CTNNA2: variants seen among roughly 807,000 people sequenced by gnomAD.
The protein encoded by CTNNA2 is catenin alpha 2.
In CTNNA2, 42 loss-of-function variants were observed where a neutral mutation model predicts 101.0. That is an observed-to-expected ratio of 0.42 (90% CI 0.32 to 0.54). CTNNA2 has a LOEUF of 0.54. Ranked by LOEUF, CTNNA2 falls within the 20% of genes least tolerant of loss-of-function variation. The pLI is 0.14. For synonymous variants in CTNNA2, 450 were observed against 456.4 expected, an observed-to-expected ratio of 0.99 and a Z score of 0.18; for missense variants, 871 against 1,223.1, an observed-to-expected ratio of 0.71 and a Z score of 4.29.
At chr2:79,624,787 G>C (rs1431670197) in intron 1 of CTNNA2, among the ~76,000 whole-genome samples, 1 of 152,192 alleles carries the variant, frequency 6.6e-6, no homozygotes, top group African/African-American at 2.4e-5. Flanking sequence ...ACATAATTAA[G>C]ATCAGTTCTG....
chr2:79,273,976 C>G (rs1193598546), intron 2 of CTNNA2, among the ~76,000 whole-genome samples: 4 of 151,962 alleles, frequency 2.6e-5, no homozygotes, highest in Non-Finnish European at 5.9e-5. Flanking sequence ...CCTACTGCTT[C>G]TTTCTTGTGT....
intron 1 of CTNNA2, among the ~76,000 whole-genome samples, chr2:79,588,856 A>G (rs1676664814): frequency 1.3e-5 from 2 of 152,206 alleles, no homozygotes; most frequent in Non-Finnish European, 2.9e-5. Flanking sequence ...GAAAGTTCAC[A>G]GAATAACAGA....
At chr2:80,041,726 C>T (rs2104273062) in intron 7 of CTNNA2, among the ~76,000 whole-genome samples, 1 of 152,264 alleles carries the variant, frequency 6.6e-6, no homozygotes, top group South Asian at 2.1e-4. Flanking sequence ...GGGTAAAACG[C>T]TATACTCAAA....
chr2:80,022,554 C>G (rs1189857160), intron 7 of CTNNA2, among the ~76,000 whole-genome samples: 1 of 151,942 alleles, frequency 6.6e-6, no homozygotes, highest in East Asian at 1.9e-4. Flanking sequence ...TTGCTGGGGG[C>G]AGGAGTTTAG....
intron 7 of CTNNA2, among the ~76,000 whole-genome samples, chr2:80,280,396 T>G (rs2149159053): frequency 6.6e-6 from 1 of 151,616 alleles, no homozygotes; most frequent in Non-Finnish European, 1.5e-5. Flanking sequence ...TCTGGAGCCT[T>G]AGATAGGTAA....
At chr2:80,427,301 C>G (rs545542204) in intron 9 of CTNNA2, among the ~76,000 whole-genome samples, 10 of 152,218 alleles carry the variant, frequency 6.6e-5, no homozygotes, top group African/African-American at 1.9e-4. Context: ...GAAGAAATTT[C>G]AAATCTGTGA....
At chr2:79,250,493 A>G (rs1674756363) in intron 2 of CTNNA2, among the ~76,000 whole-genome samples, 1 of 152,162 alleles carries the variant, frequency 6.6e-6, no homozygotes, top group Non-Finnish European at 1.5e-5. Flanking sequence ...TTAAGTTTTT[A>G]TGCAGAGAGT....
At chr2:80,618,530 C>A (rs956228924) in intron 17 of CTNNA2, among the ~76,000 whole-genome samples, 5 of 151,854 alleles carry the variant, frequency 3.3e-5, no homozygotes, top group Non-Finnish European at 2.9e-5. Context: ...AAAAGAGTTG[C>A]AATTGTAGCA....
At chr2:80,525,344 G>A (rs913547814) in intron 9 of CTNNA2, among the ~76,000 whole-genome samples, 4 of 152,096 alleles carry the variant, frequency 2.6e-5, no homozygotes, top group South Asian at 2.1e-4. Flanking sequence ...GGCAGGTCCC[G>A]GAAGTCTTTG....
At chr2:79,671,802 A>G (rs894331611) in intron 2 of CTNNA2, among the ~76,000 whole-genome samples, 4 of 152,234 alleles carry the variant, frequency 2.6e-5, no homozygotes, top group Non-Finnish European at 5.9e-5. Context: ...GTTCTGGATT[A>G]CTGTTTAGCC....
chr2:79,710,032 G>A (rs1685641854), intron 2 of CTNNA2, among the ~76,000 whole-genome samples: 1 of 152,022 alleles, frequency 6.6e-6, no homozygotes, highest in South Asian at 2.1e-4. Context: ...CCAGAGTAGA[G>A]CTTGGTGAGG....
Position 80,647,855 on chromosome 2 carries a change from G to T in CTNNA2, c.2845G>T (p.Ala949Ser). The T allele has an allele frequency of 6.2e-7, 1 of 1,604,306 alleles. No individual in the cohort carries two copies. Among genetic ancestry groups the T allele is most frequent in the Non-Finnish European group, 8.5e-7 (1 of 1,173,710 alleles). ...TGTACAGGCTTTAAGTGAATTCAAA[G>T]CAATGGATTCCTTCTAGGACGATAG... ...SPVQALSEFK[A>S]MDSF The change falls in exon 19 of 19, where the codon GCA (alanine) becomes TCA (serine). Residue 949 changes from alanine to serine, a missense_variant. By Grantham distance (99) the Ala-to-Ser change is moderately conservative. Around this residue, in one of 5 missense-constraint regions of CTNNA2, gnomAD observed 41 missense variants for 45.1 expected, o/e 0.91. Transcript: ENST00000402739.
At chr2:79,557,904 T>TC (rs1290565329) in intron 1 of CTNNA2, among the ~76,000 whole-genome samples, 1 of 151,982 alleles carries the variant, frequency 6.6e-6, no homozygotes, top group Non-Finnish European at 1.5e-5. Flanking sequence ...AATTATCTGT[T>TC]TAGCTGTGCA....
intron 1 of CTNNA2, among the ~76,000 whole-genome samples, chr2:79,590,729 C>T (rs1344506810): frequency 1.3e-5 from 2 of 152,020 alleles, no homozygotes; most frequent in Non-Finnish European, 2.9e-5. Flanking sequence ...TTGCAGGTAA[C>T]TAGAGCTGCA....
intron 3 of CTNNA2, among the ~76,000 whole-genome samples, chr2:79,851,879 T>C (rs1574132274): frequency 1.3e-5 from 2 of 151,486 alleles, no homozygotes; most frequent in Non-Finnish European, 2.9e-5. Context: ...GTAGCTGGGA[T>C]TACAGGTGCC....
intron 7 of CTNNA2, among the ~76,000 whole-genome samples, chr2:80,360,476 A>AT: frequency 6.6e-6 from 1 of 152,082 alleles, no homozygotes; most frequent in Non-Finnish European, 1.5e-5. Context: ...ATTGTGCCTT[A>AT]TTTTGTAAAA....
At chr2:80,586,050 G>C (rs1201249620) in intron 14 of CTNNA2, among the ~76,000 whole-genome samples, 1 of 152,126 alleles carries the variant, frequency 6.6e-6, no homozygotes, top group Non-Finnish European at 1.5e-5. Flanking sequence ...GAATGTGTGT[G>C]TCCGTTCTGG....
chr2:79,408,719 T>C (rs1218526690), intron 4 of CTNNA2, among the ~76,000 whole-genome samples: 1 of 152,128 alleles, frequency 6.6e-6, no homozygotes, highest in Non-Finnish European at 1.5e-5. Flanking sequence ...TTTGGATTGG[T>C]TCCAAGTCTT....
At chr2:80,606,042 A>C (rs1278474099) in intron 16 of CTNNA2, among the ~76,000 whole-genome samples, 1 of 151,822 alleles carries the variant, frequency 6.6e-6, no homozygotes, top group Non-Finnish European at 1.5e-5. Context: ...AAGTATGCAT[A>C]CAAAAAAATT....
Sources: allele counts gnomAD v4.1 joint callset (sites outside exome capture counted in the v4.1 genomes callset), GRCh38; gene constraint gnomAD v4.1.1; regional missense constraint gnomAD v4.1.1; transcripts MANE v1.5; gene names NCBI Gene and HGNC (gene_info 2026-07-23, HGNC 2026-07-21).